The following CLIP2 variants were observed in gnomAD, a reference collection of about 807,000 sequenced individuals.
CLIP2 encodes CAP-Gly domain-containing linker protein 2.
CLIP2 carries 41 observed loss-of-function variants against 111.7 expected under a neutral mutation model. The observed-to-expected ratio is 0.37, with a 90% CI of 0.29 to 0.48. The LOEUF (loss-of-function observed/expected upper bound fraction) is 0.48. Among genes scored for constraint, CLIP2 ranks in the 20% least tolerant of loss-of-function variants. The pLI is 0.99. For missense variants in CLIP2, 1,160 were observed against 1,422.1 expected (o/e 0.82, Z 2.96); for synonymous variants, 660 against 644.2 (o/e 1.02, Z -0.37).
At chr7:74,367,970 T>C (rs1044085620) in intron 8 of CLIP2, among the ~76,000 whole-genome samples, 5 of 152,148 alleles carry the variant, frequency 3.3e-5, no homozygotes, top group African/African-American at 1.2e-4. Context: ...CCAAGCACTT[T>C]GGGAAGCCAA....
chr7:74,378,408 A>G (rs1435947029), intron 10 of CLIP2, among the ~76,000 whole-genome samples: 1 of 151,976 alleles, frequency 6.6e-6, no homozygotes, highest in Admixed American at 6.6e-5. Flanking sequence ...GATTACAGGG[A>G]GTAGGTACTG....
chr7:74,354,030 A>G (rs1554308047), intron 4 of CLIP2, 26 bp downstream of exon 4: 2 of 1,594,346 alleles, frequency 1.3e-6, no homozygotes, highest in Admixed American at 3.4e-5. Flanking sequence ...TCTGGGGAGT[A>G]TGGGAGGGGG....
chr7:74,400,676 C>A, intron 15 of CLIP2, 121 bp downstream of exon 15: 1 of 1,002,246 alleles, frequency 1.0e-6, no homozygotes. Flanking sequence ...GTAGGGAGCT[C>A]GTCCCAGGAA....
At chr7:74,311,385 C>T (rs1788637069) in intron 1 of CLIP2, among the ~76,000 whole-genome samples, 1 of 152,168 alleles carries the variant, frequency 6.6e-6, no homozygotes, top group East Asian at 1.9e-4. Flanking sequence ...GCATCCTCAT[C>T]AGCACTTGGT....
In CLIP2 at chr7:74,338,521, C is replaced by A. The variant is rs1554732596; in HGVS notation, c.195C>A (p.Gly65=). The change falls in exon 3 of 17, where the codon GGC becomes GGA. Residue 65 remains glycine (G), a synonymous_variant. Transcript: ENST00000223398. This position sits in a 1 kb window ranked among gnomAD's most constrained non-coding sequence, Gnocchi z 4.3. Reference sequence around the variant, plus strand: ...CAGCTGCTGCCCCCGAGAAGCCGGGCCCCAAGGCGGCGGAAGTGGGGGATG... The same window carrying A: ...CAGCTGCTGCCCCCGAGAAGCCGGGACCCAAGGCGGCGGAAGTGGGGGATG... ...PAAAAAPEKP[G]PKAAEVGDDF... The A allele has an allele frequency of 6.2e-7, 1 of 1,608,638 alleles. No individual in the cohort carries two copies. Among genetic ancestry groups the A allele is most frequent in the African/African-American group, 1.3e-5 (1 of 74,792 alleles).
chr7:74,294,163 C>T (rs989900257), intron 1 of CLIP2, among the ~76,000 whole-genome samples: 3 of 152,136 alleles, frequency 2.0e-5, no homozygotes, highest in Non-Finnish European at 4.4e-5. Context: ...GTGATCTGCC[C>T]GCCTTGGCCT....
intron 11 of CLIP2, among the ~76,000 whole-genome samples, chr7:74,384,097 AG>A (rs1791015784): frequency 6.6e-6 from 1 of 152,088 alleles, no homozygotes; most frequent in African/African-American, 2.4e-5. Context: ...GATGAGGCAG[AG>A]AGAATCACTT....
intron 10 of CLIP2, chr7:74,380,408 T>C (rs1790910596): frequency 6.4e-6 from 1 of 157,054 alleles, no homozygotes; most frequent in African/African-American, 2.4e-5. Flanking sequence ...AAGCAGCCAA[T>C]ATTTGTTTGA....
At chr7:74,305,634 C>G (rs538699463) in intron 1 of CLIP2, among the ~76,000 whole-genome samples, 1 of 152,196 alleles carries the variant, frequency 6.6e-6, no homozygotes, top group South Asian at 2.1e-4. Flanking sequence ...GCTGGGATTA[C>G]AGGCATGCGC....
At chr7:74,296,977 C>T (rs1788186869) in intron 1 of CLIP2, among the ~76,000 whole-genome samples, 1 of 152,166 alleles carries the variant, frequency 6.6e-6, no homozygotes, top group African/African-American at 2.4e-5. Flanking sequence ...CCCTTGCAGA[C>T]ACCATCGTCC....
At chr7:74,359,743 G>T (rs1344467949) in intron 6 of CLIP2, among the ~76,000 whole-genome samples, 1 of 152,152 alleles carries the variant, frequency 6.6e-6, no homozygotes, top group Admixed American at 6.5e-5. Flanking sequence ...CTGCTATCTC[G>T]TGTCTGGTTT....
At chr7:74,300,598 G>A (rs1380104139) in intron 1 of CLIP2, among the ~76,000 whole-genome samples, 4 of 152,070 alleles carry the variant, frequency 2.6e-5, no homozygotes, top group South Asian at 4.2e-4. Context: ...TGGGACTACC[G>A]GCGCCCGCCA....
chr7:74,401,605 C>G, intron 16 of CLIP2, 38 bp downstream of exon 16: 1 of 1,584,188 alleles, frequency 6.3e-7, no homozygotes, highest in Non-Finnish European at 8.7e-7. Context: ...CCCTCCCGTG[C>G]AGGCAGACCT....
intron 2 of CLIP2, among the ~76,000 whole-genome samples, chr7:74,324,568 C>T (rs1279127611): frequency 2.0e-5 from 3 of 152,080 alleles, no homozygotes; most frequent in African/African-American, 7.2e-5. Context: ...TCCGAGAATC[C>T]CCAATTGACA....
At chr7:74,389,920 G>GT (rs113212202) in intron 13 of CLIP2, among the ~76,000 whole-genome samples, 22 of 143,244 alleles carry the variant, frequency 1.5e-4, no homozygotes, top group East Asian at 4.1e-4. Context: ...TAATAATAAA[G>GT]TTTTTTTTTT....
Position 74,401,500 on chromosome 7 carries a change from TC to T in CLIP2, c.3067-3del, listed in dbSNP as rs1554317634. 6.2e-7 allele frequency: 1 copy of T among 1,613,934 alleles called. No individual in the cohort carries two copies. Among genetic ancestry groups the T allele is most frequent in the Non-Finnish European group, 8.5e-7 (1 of 1,179,940 alleles). ...CTGGCTCAGTGTCTCCCCTAACTCT[TC>T]CAGACCATCGGCAATTCCGGTTCTG... is the stretch of plus-strand genomic sequence containing the variant. On this transcript the variant is annotated splice_polypyrimidine_tract_variant and splice_region_variant and intron_variant, in intron 15 of 16. Transcript: ENST00000223398.
chr7:74,389,703 A>G (rs1451137551), intron 13 of CLIP2, among the ~76,000 whole-genome samples: 5 of 151,636 alleles, frequency 3.3e-5, no homozygotes, highest in Non-Finnish European at 7.4e-5. Context: ...GTTCAAGACT[A>G]TCCTGGCCAA....
chr7:74,330,414 G>T (rs781929899), intron 2 of CLIP2, among the ~76,000 whole-genome samples: 9 of 151,372 alleles, frequency 5.9e-5, no homozygotes, highest in African/African-American at 9.7e-5. Flanking sequence ...GCGCCACCAT[G>T]CCTTGCTAAT....
chr7:74,306,524 T>C (rs1362509027), intron 1 of CLIP2, among the ~76,000 whole-genome samples: 1 of 152,114 alleles, frequency 6.6e-6, no homozygotes. Context: ...GGCTTTCCAC[T>C]GCTCTATTTG....
Sources: allele counts gnomAD v4.1 joint callset (sites outside exome capture counted in the v4.1 genomes callset), GRCh38; gene constraint gnomAD v4.1.1; non-coding constraint Gnocchi (gnomAD v3.1); transcripts MANE v1.5; gene names NCBI Gene and HGNC (gene_info 2026-07-23, HGNC 2026-07-21).